Variants in UNC13C observed in about 807,000 individuals in gnomAD.
The protein encoded by UNC13C is unc-13 homolog C.
In UNC13C, 174 loss-of-function variants were observed where a neutral mutation model predicts 245.4. The observed-to-expected ratio is 0.71, with a 90% CI of 0.63 to 0.80. The LOEUF (loss-of-function observed/expected upper bound fraction) is 0.80. Among genes scored for constraint, UNC13C ranks in the 30% least tolerant of loss-of-function variants. The probability of loss-of-function intolerance (pLI) is 0.00; values close to 1 mark genes in which losing one functional copy is unlikely to be tolerated. For missense variants in UNC13C, 2,829 were observed against 2,602.9 expected, an observed-to-expected ratio of 1.09 and a Z score of -1.89; for synonymous variants, 992 against 895.1, an observed-to-expected ratio of 1.11 and a Z score of -1.93.
At chr15:54,348,940 C>A (rs2038919852) in intron 17 of UNC13C, among the ~76,000 whole-genome samples, 2 of 151,966 alleles carry the variant, frequency 1.3e-5, no homozygotes, top group Non-Finnish European at 1.5e-5. Context: ...CTTATGTAAT[C>A]ATTGGCATTA....
At chr15:53,941,704 A>G in the UNC13C span, among the ~76,000 whole-genome samples, 1 of 152,212 alleles carries the variant, frequency 6.6e-6, no homozygotes, top group Non-Finnish European at 1.5e-5. Context: ...GGGAACTTAC[A>G]CAAAATTACA....
intron 30 of UNC13C, among the ~76,000 whole-genome samples, chr15:54,576,378 G>T (rs747553088): frequency 6.6e-6 from 1 of 152,020 alleles, no homozygotes; most frequent in African/African-American, 2.4e-5. Context: ...TTCCTTCTCC[G>T]TACTCTACAT....
intron 7 of UNC13C, among the ~76,000 whole-genome samples, chr15:54,247,415 T>C (rs928355124): frequency 1.3e-5 from 2 of 152,162 alleles, no homozygotes; most frequent in Admixed American, 1.3e-4. Flanking sequence ...AATACAAGAA[T>C]CCTCTATTAT....
chr15:53,889,747 A>G, the UNC13C span, among the ~76,000 whole-genome samples: 12 of 152,262 alleles, frequency 7.9e-5, no homozygotes, highest in East Asian at 2.3e-3. Context: ...TAGTTTATTG[A>G]GAGTTTTTAG....
At chr15:54,556,353 C>T (rs1897088687) in intron 29 of UNC13C, among the ~76,000 whole-genome samples, 1 of 152,048 alleles carries the variant, frequency 6.6e-6, no homozygotes, top group Non-Finnish European at 1.5e-5. Context: ...CAATGGTATT[C>T]ATTTCAACAG....
chr15:54,291,898 T>C (rs2037308081), intron 10 of UNC13C, among the ~76,000 whole-genome samples: 1 of 151,972 alleles, frequency 6.6e-6, no homozygotes, highest in Non-Finnish European at 1.5e-5. Flanking sequence ...GAACTAAAAG[T>C]ATTCTAATAT....
chr15:54,045,248 G>T (rs1166595148), intron 2 of UNC13C, among the ~76,000 whole-genome samples: 1 of 151,920 alleles, frequency 6.6e-6, no homozygotes, highest in Non-Finnish European at 1.5e-5. Context: ...TAAAACAGGG[G>T]TTTAGTTTCA....
chr15:54,126,671 A>G (rs1392719729), intron 2 of UNC13C, among the ~76,000 whole-genome samples: 2 of 152,172 alleles, frequency 1.3e-5, no homozygotes, highest in East Asian at 3.8e-4. Context: ...GGACTAAAAC[A>G]CCAAAAGCGA....
intron 2 of UNC13C, among the ~76,000 whole-genome samples, chr15:54,022,912 A>C (rs1430435177): frequency 2.0e-5 from 3 of 152,202 alleles, no homozygotes; most frequent in African/African-American, 7.2e-5. Context: ...ATCCAACAGT[A>C]AAATTCATCT....
Position 54,219,419 on chromosome 15 carries a change from C to T in UNC13C, c.3072-15611C>T, listed in dbSNP as rs529990176. On this transcript the variant is annotated intron_variant, in intron 4 of 32. Coordinates refer to ENST00000260323, the MANE Select transcript of UNC13C (RefSeq NM_001080534.3). The stretch of plus-strand genomic sequence containing the variant: ...ATATGTAGAAAGCTGAAACTGGATC[C>T]CTTTCTTACACCTTCTACAAAAATT... Among the ~76,000 whole-genome samples, 1,131 of 152,168 alleles carry T rather than the reference C, an allele frequency of 7.4e-3. 17 individuals are homozygous for T. The highest frequency in any genetic ancestry group is 0.027 in the African/African-American group (1,101 of 41,506).
intron 2 of UNC13C, among the ~76,000 whole-genome samples, chr15:54,032,150 G>T: frequency 6.6e-6 from 1 of 152,124 alleles, no homozygotes; most frequent in East Asian, 1.9e-4. Flanking sequence ...TGTCCTGAGA[G>T]GTATTACTCA....
intron 4 of UNC13C, among the ~76,000 whole-genome samples, chr15:54,197,906 AG>A (rs1702353502): frequency 6.6e-6 from 1 of 152,086 alleles, no homozygotes; most frequent in Admixed American, 6.6e-5. Context: ...ATCAACAAGG[AG>A]GCTCATGGTC....
intron 17 of UNC13C, among the ~76,000 whole-genome samples, chr15:54,392,826 T>A (rs74015191): frequency 0.04 from 6,089 of 151,932 alleles, 348 homozygotes; most frequent in African/African-American, 0.12. Context: ...GTTAAACCAA[T>A]ATTTAAAAAG....
At chr15:54,247,547 C>T (rs74013542) in intron 7 of UNC13C, among the ~76,000 whole-genome samples, 2 of 151,980 alleles carry the variant, frequency 1.3e-5, no homozygotes, top group African/African-American at 4.8e-5. Context: ...TAATTTTCAG[C>T]TTTGATAAAT....
chr15:54,321,916 A>G lies in UNC13C; in HGVS notation c.4269-23A>G, dbSNP rs1404287787. On this transcript the variant is annotated intron_variant, in intron 13 of 32. Coordinates refer to ENST00000260323, the MANE Select transcript of UNC13C (RefSeq NM_001080534.3). The stretch of plus-strand genomic sequence containing the variant: ...ATTAATTAATTTCTGTCTTAAAAAC[A>G]CTTTATGTTTTTTGTCTTTCAGGCA... The G allele has an allele frequency of 3.2e-6, 5 of 1,546,894 alleles. No homozygotes were observed. In the East Asian group the frequency reaches 9.7e-5, roughly 30 times the overall value.
chr15:54,343,084 C>A (rs2038772805), intron 17 of UNC13C, among the ~76,000 whole-genome samples: 1 of 151,950 alleles, frequency 6.6e-6, no homozygotes, highest in South Asian at 2.1e-4. Flanking sequence ...CTTTATTTTA[C>A]CTAAAGGCTA....
rs768240014 is a variant in UNC13C, at chr15:54,622,343, T to C, written c.6123T>C (p.Asp2041=). The stretch of plus-strand genomic sequence containing the variant: ...TATTTTCAGGTCGTTCCTCCAAAGA[T>C]GCCGTGGGTCAGATATCTGTTCATG... ...TQTSQSRSSK[D]AVGQISVHVD... The change falls in exon 31 of 33, where the codon GAT becomes GAC. Residue 2041 remains aspartate, a synonymous_variant. Transcript: ENST00000260323. 6 of 1,613,146 alleles carry C rather than the reference T, an allele frequency of 3.7e-6. No individual in the cohort carries two copies. The highest frequency in any genetic ancestry group is 1.7e-5 in the Admixed American group (1 of 59,916).
At chr15:54,601,310 A>T (rs545925076) in intron 30 of UNC13C, among the ~76,000 whole-genome samples, 2 of 152,176 alleles carry the variant, frequency 1.3e-5, no homozygotes, top group Non-Finnish European at 2.9e-5. Context: ...ATGAGAAGAT[A>T]ATCTCCTGGT....
rs184613825 is a variant in UNC13C at position 54,033,406 on chromosome 15, G to T, written c.2983+17520G>T. Among the ~76,000 whole-genome samples, 5 of 152,114 alleles carry T rather than the reference G, an allele frequency of 3.3e-5. No individual in the cohort carries two copies. In the East Asian group the frequency reaches 7.7e-4, roughly 24 times the overall value. ...ATTAAATGACAAGAAAAAATTTTTG[G>T]ATTATTTTGCTAACTTATTGACTTA... On this transcript the variant is annotated intron_variant, in intron 2 of 32. Transcript: ENST00000260323.
Sources: gnomAD v4.1 joint callset for allele counts (sites outside exome capture counted in the v4.1 genomes callset) on GRCh38, gnomAD v4.1.1 for gene constraint, MANE v1.5 for transcripts, NCBI Gene and HGNC (gene_info 2026-07-23, HGNC 2026-07-21) for gene names.